Variants in CHRNB3 observed in about 807,000 individuals in gnomAD.
The protein encoded by CHRNB3 is neuronal acetylcholine receptor subunit beta-3.
A neutral mutation model predicts 40.6 loss-of-function variants in CHRNB3; 37 were observed. The ratio of observed to expected loss-of-function variants is 0.91; its 90% CI spans 0.70 to 1.20. The LOEUF (loss-of-function observed/expected upper bound fraction) is 1.20, where lower values mean the gene tolerates loss of function less well. CHRNB3 is among the 50% of genes most tolerant of loss of function. The pLI is 0.00. For synonymous variants in CHRNB3, 207 were observed against 207.1 expected, an observed-to-expected ratio of 1.00 and a Z score of 0.00; for missense variants, 505 against 551.2, an observed-to-expected ratio of 0.92 and a Z score of 0.84.
rs1055939568 is a variant in CHRNB3 at position 42,737,283 on chromosome 8, G to A, written c.*665G>A. The stretch of plus-strand genomic sequence containing the variant: ...TCAGATGGTGAAACTGGAGCCCACT[G>A]TGAGCTGTGACTTCCTTTAAGGTCA... On this transcript the variant is annotated 3_prime_UTR_variant, in exon 6 of 6. Transcript: ENST00000289957. 6.6e-6 allele frequency: 1 copy of A among 152,302 alleles called. No individual in the cohort carries two copies. Among genetic ancestry groups the A allele is most frequent in the African/African-American group, 2.4e-5 (1 of 41,454 alleles). The allele number at this position is 152,302 out of a possible 1,614,324, so 9.4% of individuals were successfully genotyped here.
chr8:42,717,551 T>C (rs970210409), intron 3 of CHRNB3, among the ~76,000 whole-genome samples: 1 of 151,490 alleles, frequency 6.6e-6, no homozygotes, highest in Non-Finnish European at 1.5e-5. Flanking sequence ...CTTCCTTTTC[T>C]ACAACCTTAC....
At chr8:42,725,986 GGCAATTCCAA>G (rs1483727275) in intron 3 of CHRNB3, 1 of 1,137,486 alleles carries the variant, frequency 8.8e-7, no homozygotes, top group Non-Finnish European at 1.3e-6. Context: ...ATGTTTATCT[GGCAATTCCAA>G]GGTGTGGTTT....
intron 1 of CHRNB3, among the ~76,000 whole-genome samples, chr8:42,702,496 G>T (rs1046252492): frequency 6.6e-6 from 1 of 152,114 alleles, no homozygotes; most frequent in Admixed American, 6.6e-5. Context: ...GGCCAGGCAC[G>T]ATGGCTCACG....
At chr8:42,711,076 A>G (rs1816006795) in intron 3 of CHRNB3, among the ~76,000 whole-genome samples, 1 of 152,172 alleles carries the variant, frequency 6.6e-6, no homozygotes, top group Non-Finnish European at 1.5e-5. Context: ...AGTGTGCCCA[A>G]AGGAGTTTGT....
In CHRNB3 at chr8:42,710,415, C is replaced by G; in HGVS notation, c.230C>G (p.Thr77Ser). 1 of 1,610,630 alleles carries G rather than the reference C, an allele frequency of 6.2e-7. No individual in the cohort carries two copies. The highest frequency in any genetic ancestry group is 8.5e-7 in the Non-Finnish European group (1 of 1,178,178). The change falls in exon 3 of 6, where the codon ACC becomes AGC. Residue 77 changes from threonine (T) to serine (S), a missense_variant. Transcript: ENST00000289957. ...DVDEKNQLMT[T>S]NVWLKQEWTD... ...GATGAAAAGAATCAGCTGATGACAA[C>G]CAATGTGTGGCTCAAACAGGTAAAT... is the stretch of plus-strand genomic sequence containing the variant.
intron 2 of CHRNB3, among the ~76,000 whole-genome samples, chr8:42,709,118 A>G (rs1214164440): frequency 6.6e-6 from 1 of 152,080 alleles, no homozygotes; most frequent in African/African-American, 2.4e-5. Flanking sequence ...TTGCTAAGAT[A>G]GTCATTGCTC....
intron 3 of CHRNB3, among the ~76,000 whole-genome samples, chr8:42,721,498 T>C (rs1586403445): frequency 6.6e-6 from 1 of 152,010 alleles, no homozygotes; most frequent in African/African-American, 2.4e-5. Flanking sequence ...CTGAGGCAGG[T>C]GGATCACTTG....
Position 42,732,567 on chromosome 8 carries a change from C to T in CHRNB3, c.1242+18C>T, listed in dbSNP as rs940248488. 3 of 1,554,432 alleles carry T rather than the reference C, an allele frequency of 1.9e-6. No homozygotes were observed. Among genetic ancestry groups the T allele is most frequent in the Non-Finnish European group, 1.7e-6 (2 of 1,156,502 alleles). ...TCAGCCAGGTGAGTAAACTGGTATTCCTGATAATGCTGCCGTAAAGGTAGG... is the reference window on the plus strand; with the variant it reads ...TCAGCCAGGTGAGTAAACTGGTATTTCTGATAATGCTGCCGTAAAGGTAGG... On this transcript the variant is annotated intron_variant, in intron 5 of 5. Coordinates refer to ENST00000289957, the MANE Select transcript of CHRNB3 (RefSeq NM_000749.5).
rs1425720573 is a variant in CHRNB3 at position 42,731,948 on chromosome 8, G to C, written c.641G>C (p.Arg214Thr). Residue 214 changes from arginine to threonine, a missense_variant, in exon 5 of 6, where the codon AGG becomes ACG. Arg to Thr is a moderately conservative substitution (Grantham distance 71, BLOSUM62 -1). Coordinates refer to ENST00000289957, the MANE Select transcript of CHRNB3 (RefSeq NM_000749.5). Reference protein sequence around the residue: ...LNAKGMKGNRRDGVYSYPFIT... With the variant: ...LNAKGMKGNRTDGVYSYPFIT... ...GCAAAGGGGATGAAGGGGAACAGAAGGGACGGCGTGTACTCCTATCCCTTT... is the reference window on the plus strand; with the variant it reads ...GCAAAGGGGATGAAGGGGAACAGAACGGACGGCGTGTACTCCTATCCCTTT... 1.2e-6 allele frequency: 2 copies of C among 1,614,072 alleles called. No homozygotes were observed. The highest frequency in any genetic ancestry group is 1.3e-5 in the African/African-American group (1 of 74,896).
At chr8:42,732,817 T>A (rs1031508263) in intron 5 of CHRNB3, among the ~76,000 whole-genome samples, 2 of 152,212 alleles carry the variant, frequency 1.3e-5, no homozygotes, top group Non-Finnish European at 2.9e-5. Context: ...TTTCTTATAA[T>A]TCTATATTAA....
chr8:42,732,782 T>C (rs1816453282), intron 5 of CHRNB3, among the ~76,000 whole-genome samples: 1 of 152,140 alleles, frequency 6.6e-6, no homozygotes, highest in African/African-American at 2.4e-5. Context: ...CAACTGTTGA[T>C]TAAGCAACTG....
At chr8:42,712,216 C>T (rs532649694) in intron 3 of CHRNB3, among the ~76,000 whole-genome samples, 2 of 152,184 alleles carry the variant, frequency 1.3e-5, no homozygotes, top group Non-Finnish European at 2.9e-5. Flanking sequence ...TGGTCTTGAA[C>T]TCCTGGCCTC....
chr8:42,710,863 G>C (rs1304279535), intron 3 of CHRNB3, among the ~76,000 whole-genome samples: 1 of 152,134 alleles, frequency 6.6e-6, no homozygotes, highest in Non-Finnish European at 1.5e-5. Context: ...AATACCTCTT[G>C]TTGCTTCCAA....
At chr8:42,725,591 C>T (rs1816295581) in intron 3 of CHRNB3, 4 of 1,110,530 alleles carry the variant, frequency 3.6e-6, no homozygotes, top group South Asian at 2.6e-5. Context: ...CCCTGATAGC[C>T]AGGTATGCCC....
intron 5 of CHRNB3, among the ~76,000 whole-genome samples, chr8:42,733,957 C>T (rs1816472560): frequency 6.7e-6 from 1 of 149,728 alleles, no homozygotes; most frequent in Admixed American, 6.6e-5. Context: ...AGATATTAAG[C>T]GTAAAAAGTG....
intron 3 of CHRNB3, among the ~76,000 whole-genome samples, chr8:42,727,373 GAA>G (rs758556619): frequency 9.6e-4 from 82 of 85,086 alleles, no homozygotes; most frequent in Middle Eastern, 8.9e-3. Flanking sequence ...ACTCTGTCTC[GAA>G]AAAAAAAAAA....
In CHRNB3 at chr8:42,708,767, C is replaced by T; in HGVS notation, c.103C>T (p.His35Tyr). Residue 35 changes from histidine (H) to tyrosine (Y), a missense_variant, in exon 2 of 6, where the codon CAT (histidine) becomes TAT (tyrosine). By Grantham distance (83) the His-to-Tyr change is moderately conservative (BLOSUM62 2). Coordinates refer to ENST00000289957, the MANE Select transcript of CHRNB3 (RefSeq NM_000749.5). ...IAENEDALLR[H>Y]LFQGYQKWVR... The stretch of plus-strand genomic sequence containing the variant: ...CGAAAATGAAGATGCCCTCCTCAGA[C>T]ATTTGTTCCAAGGTTATCAGAAATG... 6.2e-7 allele frequency: 1 copy of T among 1,614,086 alleles called. No homozygotes were observed. Among genetic ancestry groups the T allele is most frequent in the South Asian group, 1.1e-5 (1 of 91,068 alleles).
At chr8:42,705,652 GTT>G (rs796835673) in intron 1 of CHRNB3, 4 of 152,208 alleles carry the variant, frequency 2.6e-5, no homozygotes, top group African/African-American at 9.7e-5. Flanking sequence ...AATTCCTCAG[GTT>G]GTGGTATCCT....
At chr8:42,707,955 G>A (rs1015367680) in intron 1 of CHRNB3, among the ~76,000 whole-genome samples, 4 of 152,254 alleles carry the variant, frequency 2.6e-5, no homozygotes, top group Non-Finnish European at 4.4e-5. Context: ...GAGCTCCAGA[G>A]GAAGACAGGT....
Sources: gnomAD v4.1 joint callset for allele counts (sites outside exome capture counted in the v4.1 genomes callset) on GRCh38, gnomAD v4.1.1 for gene constraint, MANE v1.5 for transcripts, NCBI Gene and HGNC (gene_info 2026-07-23, HGNC 2026-07-21) for gene names.